Variants in FN1 observed in about 807,000 individuals in gnomAD.
FN1 encodes fibronectin 1.
In FN1, 106 loss-of-function variants were observed where a neutral mutation model predicts 297.3. The ratio of observed to expected loss-of-function variants is 0.36; its 90% confidence interval spans 0.30 to 0.42. FN1 has a LOEUF of 0.42. Ranked by LOEUF, FN1 falls within the 10% of genes least tolerant of loss-of-function variation. FN1 has a pLI of 1.00. For missense variants in FN1, 2,690 were observed against 3,124.9 expected, an observed-to-expected ratio of 0.86 and a Z score of 3.32; for synonymous variants, 1,149 against 1,152.6, an observed-to-expected ratio of 1.00 and a Z score of 0.06.
intron 41 of FN1, among the ~76,000 whole-genome samples, chr2:215,370,007 T>C (rs536442608): frequency 6.6e-6 from 1 of 152,292 alleles, no homozygotes; most frequent in Non-Finnish European, 1.5e-5. Context: ...AAGTAAGGAC[T>C]CAGAGTGTTG....
chr2:215,432,487 T>C (rs1056799477), intron 3 of FN1, among the ~76,000 whole-genome samples: 2 of 152,234 alleles, frequency 1.3e-5, no homozygotes, highest in Admixed American at 1.3e-4. Flanking sequence ...ATTCAAATGC[T>C]GAACTAGATT....
chr2:215,362,323 C>A (rs1186923724), intron 44 of FN1: 1 of 512,516 alleles, frequency 2.0e-6, no homozygotes, highest in Non-Finnish European at 3.5e-6. Flanking sequence ...AATGTCTCTT[C>A]TCTTCCTATT....
chr2:215,401,767 C>T (rs2061200350), intron 20 of FN1, among the ~76,000 whole-genome samples: 1 of 151,074 alleles, frequency 6.6e-6, no homozygotes, highest in African/African-American at 2.4e-5. Context: ...ATTTTTTTTT[C>T]AGTCTGGATT....
intron 18 of FN1, among the ~76,000 whole-genome samples, chr2:215,406,753 G>C (rs1402534852): frequency 2.6e-5 from 4 of 152,122 alleles, no homozygotes; most frequent in Admixed American, 2.0e-4. Flanking sequence ...ATATGGTGGT[G>C]GGGGGAGAGG....
intron 26 of FN1, among the ~76,000 whole-genome samples, chr2:215,389,465 G>T (rs2059442665): frequency 6.6e-6 from 1 of 151,984 alleles, no homozygotes; most frequent in Non-Finnish European, 1.5e-5. Context: ...TTTGATAAGT[G>T]TGTGATTTGG....
intron 6 of FN1, among the ~76,000 whole-genome samples, chr2:215,426,262 C>T (rs1027062945): frequency 3.4e-5 from 5 of 148,346 alleles, no homozygotes; most frequent in African/African-American, 1.2e-4. Context: ...CATTCTCCTG[C>T]CTCAGCCTCC....
In FN1 at chr2:215,422,161, G is replaced by C; in HGVS notation, c.1476C>G (p.His492Gln). Residue 492 changes from histidine to glutamine, a missense_variant, in exon 10 of 46, where the codon CAC becomes CAG. Around this residue, in one of 3 missense-constraint regions of FN1, gnomAD observed 876 missense variants for 1,058.1 expected, o/e 0.83. Transcript: ENST00000354785. ...TCCCAACACACGTGCACCTCATCATGTGACCCATGTCATGCTGCTTATCCC... is the reference window on the plus strand; with the variant it reads ...TCCCAACACACGTGCACCTCATCATCTGACCCATGTCATGCTGCTTATCCC... ...DQWDKQHDMGHMMRCTCVGNG... is the reference protein window; with the variant it reads ...DQWDKQHDMGQMMRCTCVGNG... 1 of 1,614,090 alleles carries C rather than the reference G, an allele frequency of 6.2e-7. No individual in the cohort carries two copies. The highest frequency in any genetic ancestry group is 2.2e-5 in the East Asian group (1 of 44,878).
At chr2:215,364,509 T>C (rs777778009) in intron 44 of FN1, 11 of 333,806 alleles carry the variant, frequency 3.3e-5, no homozygotes, top group Non-Finnish European at 5.8e-5. Flanking sequence ...TTAATTTGAA[T>C]AGTATCTCTG....
At position 215,408,182 on chromosome 2, in the gene FN1, G is replaced by C; in HGVS notation, c.2444C>G (p.Pro815Arg). ...TSQTTAPDAP[P>R]DTTVDQVDDT... Reference sequence around the variant, plus strand: ...ATCAACTTGGTCCACAGTCGTGTCAGGAGGGGCATCAGGCGCTAAGAAAGA... The same window carrying C: ...ATCAACTTGGTCCACAGTCGTGTCACGAGGGGCATCAGGCGCTAAGAAAGA... Residue 815 changes from proline to arginine, a missense_variant, in exon 17 of 46, where the codon CCT becomes CGT. Physicochemically the swap from Pro to Arg is moderately radical, Grantham distance 103 (BLOSUM62 -2). Transcript: ENST00000354785. 6.2e-7 allele frequency: 1 copy of C among 1,614,054 alleles called. No homozygotes were observed. Among genetic ancestry groups the C allele is most frequent in the South Asian group, 1.1e-5 (1 of 91,080 alleles).
At position 215,378,049 on chromosome 2, in the gene FN1, G is replaced by A. The variant is rs751370765; in HGVS notation, c.5710+126C>T. 1.2e-4 allele frequency: 83 copies of A among 716,472 alleles called. 1 individual carries two copies. The highest frequency in any genetic ancestry group is 1.1e-3 in the Middle Eastern group (3 of 2,716). 44.4% of individuals were successfully genotyped at this position (716,472 alleles called of 1,614,324 possible). ...TCTCAAACTCCTGGCCTCAAGTGACGCTCCCGCCTCAGCTTCCCAAAGTGC... is the reference window on the plus strand; with the variant it reads ...TCTCAAACTCCTGGCCTCAAGTGACACTCCCGCCTCAGCTTCCCAAAGTGC... On this transcript the variant is annotated intron_variant, in intron 35 of 45. Transcript: ENST00000354785.
rs150990682 is a variant in FN1 at position 215,425,261 on chromosome 2, C to T, written c.869G>A (p.Arg290His). Residue 290 changes from arginine to histidine, a missense_variant, in exon 7 of 46, where the codon CGT (arginine) becomes CAT (histidine). Arg to His is a conservative substitution (Grantham distance 29). Around this residue, in one of 3 missense-constraint regions of FN1, gnomAD observed 876 missense variants for 1,058.1 expected, o/e 0.83. Transcript: ENST00000354785. ...AGGCTGCGGTTGGTAAACAGCTGCA[C>T]GAACATCGGTGAAGGGGCCAGATCC... Reference protein sequence around the residue: ...SSGSGPFTDVRAAVYQPQPHP... With the variant: ...SSGSGPFTDVHAAVYQPQPHP... The T allele has an allele frequency of 4.7e-5, 76 of 1,613,882 alleles. No homozygotes were observed. Among genetic ancestry groups the T allele is most frequent in the Admixed American group, 6.7e-5 (4 of 59,998 alleles).
At chr2:215,375,533 A>G (rs1482335207) in intron 37 of FN1, 96 bp downstream of exon 37, 7 of 1,249,630 alleles carry the variant, frequency 5.6e-6, no homozygotes, top group East Asian at 2.4e-5. Flanking sequence ...TCTGGAATCT[A>G]TAATACAAAA....
chr2:215,391,645 T>C lies in FN1; in HGVS notation c.4239A>G (p.Ala1413=). Residue 1413 remains alanine, a synonymous_variant, in exon 26 of 46, where the codon GCA becomes GCG. Coordinates refer to ENST00000354785, the MANE Select transcript of FN1 (RefSeq NM_212482.4). ...AELSISPSDN[A]VVLTNLLPGT... Reference sequence around the variant, plus strand: ...TCAACTGCTTACTTGTTAAGACCACTGCATTGTCTGAAGGAGAAATTGACA... The same window carrying C: ...TCAACTGCTTACTTGTTAAGACCACCGCATTGTCTGAAGGAGAAATTGACA... 6.2e-7 allele frequency: 1 copy of C among 1,613,500 alleles called. No homozygotes were observed. The highest frequency in any genetic ancestry group is 8.5e-7 in the Non-Finnish European group (1 of 1,179,376).
chr2:215,388,572 A>G (rs180993906), intron 26 of FN1, among the ~76,000 whole-genome samples: 3 of 152,276 alleles, frequency 2.0e-5, no homozygotes, highest in Admixed American at 2.0e-4. Context: ...AGTGGGATGA[A>G]GTTGCTGCAA....
At chr2:215,396,363 C>T (rs1015907915) in intron 23 of FN1, among the ~76,000 whole-genome samples, 3 of 152,072 alleles carry the variant, frequency 2.0e-5, no homozygotes, top group South Asian at 2.1e-4. Context: ...TGCTATAGTA[C>T]GTCATGCTGT....
At chr2:215,389,527 C>T (rs1021714719) in intron 26 of FN1, among the ~76,000 whole-genome samples, 3 of 151,964 alleles carry the variant, frequency 2.0e-5, no homozygotes, top group Admixed American at 6.6e-5. Context: ...CCTAGATGGG[C>T]TTGTAATCCC....
chr2:215,394,748 G>C, intron 23 of FN1, 29 bp from the exon 24 acceptor site: 1 of 1,555,034 alleles, frequency 6.4e-7, no homozygotes. Context: ...GGAAGTTATT[G>C]CACAGAGGAT....
intron 34 of FN1, among the ~76,000 whole-genome samples, chr2:215,378,789 C>A (rs940751637): frequency 6.6e-6 from 1 of 152,104 alleles, no homozygotes; most frequent in Non-Finnish European, 1.5e-5. Flanking sequence ...GTAAAATATT[C>A]TTTACCAAGG....
chr2:215,365,360 T>C, intron 43 of FN1, 145 bp downstream of exon 43: 7 of 903,396 alleles, frequency 7.7e-6, no homozygotes, highest in Non-Finnish European at 7.2e-6. Context: ...GTCTCCACTT[T>C]CCCAAATCAA....
Sources: allele counts gnomAD v4.1 joint callset (sites outside exome capture counted in the v4.1 genomes callset), GRCh38; gene constraint gnomAD v4.1.1; regional missense constraint gnomAD v4.1.1; transcripts MANE v1.5; gene names NCBI Gene and HGNC (gene_info 2026-07-23, HGNC 2026-07-21).